The following CNTNAP2 variants were observed in gnomAD, a reference collection of about 807,000 sequenced individuals.
CNTNAP2 encodes the protein contactin-associated protein-like 2.
Under a neutral mutation model 155.2 loss-of-function variants are expected in CNTNAP2, and 98 were observed. That is an observed-to-expected ratio of 0.63 (90% confidence interval 0.54 to 0.75). The LOEUF is 0.75. Ranked by LOEUF, CNTNAP2 falls within the 30% of genes least tolerant of loss-of-function variation. The pLI is 0.00. For missense variants in CNTNAP2, 1,727 were observed against 1,688.1 expected, an observed-to-expected ratio of 1.02 and a Z score of -0.40; for synonymous variants, 651 against 631.2, an observed-to-expected ratio of 1.03 and a Z score of -0.47.
chr7:146,346,702 G>T (rs553111079), intron 1 of CNTNAP2, among the ~76,000 whole-genome samples: 4 of 151,808 alleles, frequency 2.6e-5, no homozygotes, highest in Admixed American at 2.0e-4. Context: ...GCAAGACTCG[G>T]TCCAAAGGAA....
intron 8 of CNTNAP2, among the ~76,000 whole-genome samples, chr7:147,197,819 T>C (rs1316251164): frequency 6.6e-6 from 1 of 152,232 alleles, no homozygotes; most frequent in African/African-American, 2.4e-5. Flanking sequence ...ATATTTGTTT[T>C]CTAAGATGTT....
chr7:146,496,726 A>G (rs572029091), intron 1 of CNTNAP2, among the ~76,000 whole-genome samples: 1 of 152,274 alleles, frequency 6.6e-6, no homozygotes, highest in East Asian at 1.9e-4. Flanking sequence ...TGTAGATTTT[A>G]TCACTTATTT....
Position 147,580,653 on chromosome 7 carries a change from T to C in CNTNAP2, c.1897+18396T>C, listed in dbSNP as rs144843303. Among the ~76,000 whole-genome samples the C allele has an allele frequency of 3.2e-3, 487 of 152,110 alleles. 1 individual carries two copies. Among genetic ancestry groups the C allele is most frequent in the East Asian group, 0.026 (133 of 5,162 alleles). On this transcript the variant is annotated intron_variant, in intron 12 of 23. Coordinates refer to ENST00000361727, the MANE Select transcript of CNTNAP2 (RefSeq NM_014141.6). The stretch of plus-strand genomic sequence containing the variant: ...TTTTTTGAGACGGAATCTTGCTCTG[T>C]TGCCCAGGCTGAAGTGCAATGGCAC...
intron 13 of CNTNAP2, among the ~76,000 whole-genome samples, chr7:147,795,112 T>G (rs139233202): frequency 3.1e-4 from 47 of 152,112 alleles, no homozygotes; most frequent in African/African-American, 1.1e-3. Context: ...TTTTATTATT[T>G]TCTTCCCTAT....
At position 146,180,331 on chromosome 7, in the gene CNTNAP2, TTTTC is replaced by T. The variant is rs531795825; in HGVS notation, c.97+63365_97+63368del. Among the ~76,000 whole-genome samples, 214 of 152,106 alleles carry T rather than the reference TTTTC, an allele frequency of 1.4e-3. 1 individual carries two copies. Among genetic ancestry groups the T allele is most frequent in the African/African-American group, 4.9e-3 (203 of 41,550 alleles). On this transcript the variant is annotated intron_variant, in intron 1 of 23. Coordinates refer to ENST00000361727, the MANE Select transcript of CNTNAP2 (RefSeq NM_014141.6). ...TTTCTTTCCTTTTCTCTTCCTTTCC[TTTTC>T]TTTCTTCCTTTCTTTATCCTTCATT...
intron 1 of CNTNAP2, among the ~76,000 whole-genome samples, chr7:146,708,998 T>C (rs1801015526): frequency 6.6e-6 from 1 of 152,176 alleles, no homozygotes; most frequent in Non-Finnish European, 1.5e-5. Flanking sequence ...GAATTAAATA[T>C]GATATTTTAA....
At chr7:146,944,223 G>A (rs1320983816) in intron 3 of CNTNAP2, among the ~76,000 whole-genome samples, 1 of 115,758 alleles carries the variant, frequency 8.6e-6, no homozygotes, top group African/African-American at 3.2e-5. Flanking sequence ...TTCATCTACA[G>A]GTTTTTTTTT....
chr7:147,943,360 T>G (rs1800759329), intron 14 of CNTNAP2, among the ~76,000 whole-genome samples: 2 of 152,240 alleles, frequency 1.3e-5, no homozygotes, highest in Admixed American at 1.3e-4. Flanking sequence ...ATTCTATACC[T>G]TGAATTTAAA....
intron 10 of CNTNAP2, among the ~76,000 whole-genome samples, chr7:147,474,050 G>T (rs907829321): frequency 6.6e-6 from 1 of 151,948 alleles, no homozygotes; most frequent in Non-Finnish European, 1.5e-5. Context: ...CTGCACTGCA[G>T]CCTGGGAGAC....
chr7:147,635,549 AAACATAT>A (rs367791018), intron 12 of CNTNAP2, among the ~76,000 whole-genome samples: 131 of 152,332 alleles, frequency 8.6e-4, no homozygotes, highest in African/African-American at 3.0e-3. Context: ...GTTACAAAAC[AAACATAT>A]AACAGATAAT....
At chr7:147,194,789 T>A (rs936987223) in intron 8 of CNTNAP2, among the ~76,000 whole-genome samples, 2 of 152,232 alleles carry the variant, frequency 1.3e-5, no homozygotes. Flanking sequence ...CTGGTAAATT[T>A]GTTTAAGTTA....
intron 10 of CNTNAP2, among the ~76,000 whole-genome samples, chr7:147,460,142 A>G (rs1797995754): frequency 6.6e-6 from 1 of 152,078 alleles, no homozygotes; most frequent in Non-Finnish European, 1.5e-5. Context: ...AAAAAAAAAG[A>G]AAGAAGAGGA....
chr7:147,807,988 A>T (rs1016641808), intron 13 of CNTNAP2, among the ~76,000 whole-genome samples: 19 of 149,698 alleles, frequency 1.3e-4, no homozygotes, highest in African/African-American at 4.4e-4. Flanking sequence ...TTCTTTTTTA[A>T]AAAAAAAAAA....
chr7:147,700,662 G>A (rs972709858), intron 13 of CNTNAP2, among the ~76,000 whole-genome samples: 1 of 152,158 alleles, frequency 6.6e-6, no homozygotes, highest in Admixed American at 6.5e-5. Context: ...AAACTTATTG[G>A]TGTTTTATGA....
intron 1 of CNTNAP2, among the ~76,000 whole-genome samples, chr7:146,501,600 G>A (rs73741724): frequency 0.012 from 1,776 of 151,894 alleles, 31 homozygotes; most frequent in Middle Eastern, 0.065. Flanking sequence ...CTTTTCAACC[G>A]TAAGTAATTA....
At chr7:147,185,547 G>A (rs1802546653) in intron 8 of CNTNAP2, among the ~76,000 whole-genome samples, 1 of 152,118 alleles carries the variant, frequency 6.6e-6, no homozygotes, top group Non-Finnish European at 1.5e-5. Context: ...TATAGAATAT[G>A]ACCCAGTGTT....
chr7:147,932,086 A>G (rs1298105714), intron 14 of CNTNAP2, among the ~76,000 whole-genome samples: 1 of 152,020 alleles, frequency 6.6e-6, no homozygotes, highest in Non-Finnish European at 1.5e-5. Context: ...AGGTCTCACT[A>G]TATTGCCCAG....
intron 9 of CNTNAP2, among the ~76,000 whole-genome samples, chr7:147,329,147 C>G (rs1022512795): frequency 6.8e-6 from 1 of 147,542 alleles, no homozygotes; most frequent in Non-Finnish European, 1.5e-5. Context: ...CACCCCCCCA[C>G]ACACACACAC....
chr7:147,407,937 C>T (rs1313999346), intron 10 of CNTNAP2, among the ~76,000 whole-genome samples: 1 of 152,146 alleles, frequency 6.6e-6, no homozygotes, highest in Non-Finnish European at 1.5e-5. Flanking sequence ...AACCATGTCC[C>T]ATTTCTGAAA....
Sources: gnomAD v4.1 joint callset for allele counts (sites outside exome capture counted in the v4.1 genomes callset) on GRCh38, gnomAD v4.1.1 for gene constraint, MANE v1.5 for transcripts, NCBI Gene and HGNC (gene_info 2026-07-23, HGNC 2026-07-21) for gene names.